HERC4: variants seen among roughly 807,000 people sequenced by gnomAD.
HERC4 encodes the protein HECT and RLD domain containing E3 ubiquitin protein ligase 4.
In HERC4, 28 loss-of-function variants were observed where a neutral mutation model predicts 124.3. The observed-to-expected ratio is 0.23, with a 90% CI of 0.17 to 0.31. The LOEUF (loss-of-function observed/expected upper bound fraction) is 0.31, where lower values mean the gene tolerates loss of function less well. Among genes scored for constraint, HERC4 ranks in the 10% least tolerant of loss-of-function variants. HERC4 has a pLI of 1.00. For synonymous variants in HERC4, 407 were observed against 421.5 expected, an observed-to-expected ratio of 0.97 and a Z score of 0.42; for missense variants, 713 against 1,229.3, an observed-to-expected ratio of 0.58 and a Z score of 6.28.
Position 68,043,384 on chromosome 10 carries a change from G to T in HERC4, c.386+1020C>A, listed in dbSNP as rs565506155. Among the ~76,000 whole-genome samples, 25 of 152,256 alleles carry T rather than the reference G, an allele frequency of 1.6e-4. No homozygotes were observed. The East Asian group carries it at 4.6e-3, about 28-fold the overall frequency. ...TATTACTAGGAAAAAGAACAAAAGA[G>T]TTTAAAGAGGTCAGAATTTGTGTAA... is the stretch of plus-strand genomic sequence containing the variant. On this transcript the variant is annotated intron_variant, in intron 4 of 24. Coordinates refer to ENST00000373700, the MANE Select transcript of HERC4 (RefSeq NM_015601.4).
chr10:67,942,061 T>TA (rs1439290852), intron 19 of HERC4, among the ~76,000 whole-genome samples: 1 of 152,152 alleles, frequency 6.6e-6, no homozygotes. Context: ...GAAACATACT[T>TA]ACACTACTGA....
rs568444104 is a variant in HERC4, at chr10:67,937,592, G to GT, written c.2572-1358dup. The stretch of plus-strand genomic sequence containing the variant: ...TTCATAGAAAATCGTTTTTGTTTTT[G>GT]TTTTTTTTAATTTTATGGTCACCTT... On this transcript the variant is annotated intron_variant, in intron 21 of 24. Transcript: ENST00000373700. Among the ~76,000 whole-genome samples the GT allele has an allele frequency of 4.3e-3, 644 of 150,178 alleles. 5 individuals carry two copies. The highest frequency in any genetic ancestry group is 0.014 in the African/African-American group (586 of 40,876).
At chr10:67,982,790 G>T (rs1255415162) in intron 15 of HERC4, among the ~76,000 whole-genome samples, 1 of 152,042 alleles carries the variant, frequency 6.6e-6, no homozygotes, top group African/African-American at 2.4e-5. Flanking sequence ...TTAAAAAGTG[G>T]GCAAAAGAGC....
intron 23 of HERC4, among the ~76,000 whole-genome samples, chr10:67,927,415 TATATATATATATA>T (rs1355552498): frequency 0.033 from 410 of 12,416 alleles, 28 homozygotes; most frequent in African/African-American, 0.079. Flanking sequence ...TATATATATA[TATATATATATATA>T]TATTTTTTTT....
At chr10:67,990,098 C>T (rs956956085) in intron 14 of HERC4, 113 bp downstream of exon 14, 13 of 768,240 alleles carry the variant, frequency 1.7e-5, no homozygotes. Flanking sequence ...TCATTTTTGC[C>T]TAAGACAGTG....
chr10:68,003,328 A>ATTTTTTTTTTTTT (rs34287961), intron 9 of HERC4, among the ~76,000 whole-genome samples: 1 of 130,840 alleles, frequency 7.6e-6, no homozygotes. Flanking sequence ...TGCCTGACTA[A>ATTTTTTTTTTTTT]TTTTTTTTTT....
intron 23 of HERC4, among the ~76,000 whole-genome samples, chr10:67,927,430 A>ATTTTTTTT (rs373401588): frequency 9.2e-4 from 35 of 37,898 alleles, no homozygotes; most frequent in Non-Finnish European, 1.5e-3. Flanking sequence ...ATATATATAT[A>ATTTTTTTT]TTTTTTTTTT....
chr10:67,994,411 C>T (rs888467822), intron 9 of HERC4: 4 of 152,192 alleles, frequency 2.6e-5, no homozygotes, highest in Non-Finnish European at 4.4e-5. Flanking sequence ...AGTTAAGTTT[C>T]CTTAATTTCC....
intron 15 of HERC4, among the ~76,000 whole-genome samples, chr10:67,969,028 TA>T (rs1181574132): frequency 2.2e-4 from 34 of 152,290 alleles, no homozygotes; most frequent in African/African-American, 7.9e-4. Flanking sequence ...TTCATACATT[TA>T]AAAGAATCCA....
chr10:68,040,068 T>C, intron 4 of HERC4: 2 of 791,186 alleles, frequency 2.5e-6, no homozygotes, highest in Non-Finnish European at 3.1e-6. Flanking sequence ...GCACCTACTA[T>C]AGTGCCTAAT....
In HERC4 at chr10:68,059,862, TTATATATTATAATA is replaced by T. The variant is rs1185453521; in HGVS notation, c.226+13007_226+13020del. ...TTATAATATATTATATATCATAATATTATATATTATAATAATATTATATATCATAATATTATATA... is the reference window on the plus strand; with the variant it reads ...TTATAATATATTATATATCATAATATATATTATATATCATAATATTATATA... On this transcript the variant is annotated intron_variant, in intron 3 of 24. Coordinates refer to ENST00000373700, the MANE Select transcript of HERC4 (RefSeq NM_015601.4). Among the ~76,000 whole-genome samples, 332 of 75,530 alleles carry T rather than the reference TTATATATTATAATA, an allele frequency of 4.4e-3. 66 individuals are homozygous for T. The highest frequency in any genetic ancestry group is 0.021 in the African/African-American group (319 of 15,244). The allele number at this position is 75,530 out of a possible 152,430, so 49.6% of individuals were successfully genotyped here. A position where few individuals can be genotyped will look rare whatever the true frequency, so the allele number is the denominator to read the frequency against.
At chr10:67,998,291 T>TA (rs1390538342) in intron 9 of HERC4, among the ~76,000 whole-genome samples, 1 of 151,056 alleles carries the variant, frequency 6.6e-6, no homozygotes, top group Non-Finnish European at 1.5e-5. Flanking sequence ...CTCATGCCTG[T>TA]AATCCCAGCA....
chr10:68,023,200 A>G (rs1350351887), intron 8 of HERC4, among the ~76,000 whole-genome samples: 1 of 152,168 alleles, frequency 6.6e-6, no homozygotes, highest in African/African-American at 2.4e-5. Flanking sequence ...TATATGCCCA[A>G]AAGAACTGAA....
At chr10:68,001,836 C>T (rs1222630195) in intron 9 of HERC4, among the ~76,000 whole-genome samples, 3 of 152,122 alleles carry the variant, frequency 2.0e-5, no homozygotes, top group African/African-American at 7.2e-5. Context: ...GTCTTTCACC[C>T]CACATAATGT....
intron 9 of HERC4, among the ~76,000 whole-genome samples, chr10:67,998,584 T>G: frequency 6.8e-6 from 1 of 147,636 alleles, no homozygotes; most frequent in African/African-American, 2.5e-5. Context: ...TACAGTACTA[T>G]CCAGTTCTAA....
At chr10:68,051,101 C>CAA (rs755520085) in intron 3 of HERC4, among the ~76,000 whole-genome samples, 10 of 95,482 alleles carry the variant, frequency 1.0e-4, no homozygotes, top group African/African-American at 2.0e-4. Flanking sequence ...ACCCAAAGAC[C>CAA]AAAAAAAAAA....
intron 19 of HERC4, among the ~76,000 whole-genome samples, chr10:67,943,513 G>A (rs2033085755): frequency 6.6e-6 from 1 of 152,212 alleles, no homozygotes; most frequent in African/African-American, 2.4e-5. Context: ...ATCAGAGGTA[G>A]CCCAGTTAGC....
At position 67,923,065 on chromosome 10, in the gene HERC4, C is replaced by T; in HGVS notation, c.3016G>A (p.Gly1006Ser). The change falls in exon 25 of 25, where the codon GGT becomes AGT. Residue 1006 changes from glycine to serine, a missense_variant. Coordinates refer to ENST00000373700, the MANE Select transcript of HERC4 (RefSeq NM_015601.4). ...GAAACTGGGAGATACTCCTCACCAC[C>T]TCCTGTGGACTGGATGACTAGTTTC... Reference protein sequence around the residue: ...SLKLVIQSTGGGEEYLPVSHT... With the variant: ...SLKLVIQSTGSGEEYLPVSHT... 1.2e-6 allele frequency: 2 copies of T among 1,613,846 alleles called. No individual in the cohort carries two copies. Among genetic ancestry groups the T allele is most frequent in the East Asian group, 2.2e-5 (1 of 44,854 alleles).
At chr10:67,946,674 C>T (rs771321352) in intron 19 of HERC4, among the ~76,000 whole-genome samples, 29 of 152,068 alleles carry the variant, frequency 1.9e-4, no homozygotes, top group Non-Finnish European at 2.6e-4. Context: ...TTTGGGAGGC[C>T]GAGGTGGGCG....
Sources: gnomAD v4.1 joint callset for allele counts (sites outside exome capture counted in the v4.1 genomes callset) on GRCh38, gnomAD v4.1.1 for gene constraint, MANE v1.5 for transcripts, NCBI Gene and HGNC (gene_info 2026-07-23, HGNC 2026-07-21) for gene names.